Variants in RSU1 observed in about 807,000 individuals in gnomAD.
The protein encoded by RSU1 is Ras suppressor protein 1.
RSU1 carries 26 observed loss-of-function variants against 31.1 expected under a neutral mutation model. The observed-to-expected ratio is 0.84, with a 90% CI of 0.61 to 1.16. The LOEUF (loss-of-function observed/expected upper bound fraction) is 1.16, where lower values mean the gene tolerates loss of function less well. RSU1 is among the 50% of genes most tolerant of loss of function. The probability of loss-of-function intolerance (pLI) is 0.00; values close to 1 mark genes in which losing one functional copy is unlikely to be tolerated. For synonymous variants in RSU1, 164 were observed against 136.3 expected, an observed-to-expected ratio of 1.20 and a Z score of -1.41; for missense variants, 320 against 339.1, an observed-to-expected ratio of 0.94 and a Z score of 0.44.
chr10:16,593,668 C>A (rs989486571), intron 8 of RSU1, among the ~76,000 whole-genome samples, 172 bp from the exon 9 acceptor site: 2 of 152,238 alleles, frequency 1.3e-5, no homozygotes, highest in African/African-American at 4.8e-5. Context: ...ATATAAAATT[C>A]TCTTACACAT....
intron 8 of RSU1, among the ~76,000 whole-genome samples, chr10:16,634,351 C>T (rs988954370): frequency 6.6e-6 from 1 of 152,148 alleles, no homozygotes; most frequent in Non-Finnish European, 1.5e-5. Context: ...GGCTTCAAAA[C>T]AAGCCACAAG....
At chr10:16,601,379 G>A (rs573480885) in intron 8 of RSU1, among the ~76,000 whole-genome samples, 1 of 152,302 alleles carries the variant, frequency 6.6e-6, no homozygotes, top group East Asian at 1.9e-4. Context: ...GAAACTCTAA[G>A]TAAAGTTGTA....
chr10:16,600,671 C>T (rs1447121328), intron 8 of RSU1, among the ~76,000 whole-genome samples: 1 of 151,822 alleles, frequency 6.6e-6, no homozygotes, highest in Non-Finnish European at 1.5e-5. Context: ...AAGCGATCCT[C>T]CTGCCTCAGC....
chr10:16,656,160 A>G lies in RSU1; in HGVS notation c.731+38863T>C, dbSNP rs139638313. Reference sequence around the variant, plus strand: ...AAAGTACTGGAAAGCATAAAGAGAGAAAAAACCCACATACAATCCTACCAC... The same window carrying G: ...AAAGTACTGGAAAGCATAAAGAGAGGAAAAACCCACATACAATCCTACCAC... On this transcript the variant is annotated intron_variant, in intron 8 of 8. Coordinates refer to ENST00000345264, the MANE Select transcript of RSU1 (RefSeq NM_012425.4). Among the ~76,000 whole-genome samples, 131 of 152,336 alleles carry G rather than the reference A, an allele frequency of 8.6e-4. 1 individual carries two copies. In the East Asian group the frequency reaches 0.014, roughly 16 times the overall value.
chr10:16,598,055 G>A (rs1011816689), intron 8 of RSU1, among the ~76,000 whole-genome samples: 4 of 152,204 alleles, frequency 2.6e-5, no homozygotes, highest in Admixed American at 6.5e-5. Flanking sequence ...GGCCTCAACT[G>A]GGCAAGTAAG....
intron 2 of RSU1, among the ~76,000 whole-genome samples, chr10:16,793,313 A>G (rs1277116140): frequency 6.6e-6 from 1 of 152,182 alleles, no homozygotes; most frequent in Non-Finnish European, 1.5e-5. Context: ...ATCAATCACA[A>G]TTAAGTCCTC....
chr10:16,762,662 A>G (rs1420884819), intron 4 of RSU1, among the ~76,000 whole-genome samples: 1 of 152,166 alleles, frequency 6.6e-6, no homozygotes, highest in Non-Finnish European at 1.5e-5. Context: ...TGTCTGACCA[A>G]ATTCCTTGTG....
chr10:16,758,266 T>C (rs1021123235), intron 4 of RSU1, among the ~76,000 whole-genome samples: 6 of 152,302 alleles, frequency 3.9e-5, no homozygotes, highest in Admixed American at 2.0e-4. Flanking sequence ...TGGCCACCTC[T>C]CCGGACACCA....
intron 2 of RSU1, among the ~76,000 whole-genome samples, chr10:16,792,007 A>G (rs1192969211): frequency 6.6e-6 from 1 of 152,224 alleles, no homozygotes; most frequent in Non-Finnish European, 1.5e-5. Context: ...GAGGGCGAAC[A>G]AAGCCAGGAT....
chr10:16,657,530 A>G (rs1046307642), intron 8 of RSU1, among the ~76,000 whole-genome samples: 5 of 127,218 alleles, frequency 3.9e-5, no homozygotes, highest in Admixed American at 1.5e-4. Flanking sequence ...ATCATACTAG[A>G]AAAAAAAAAA....
In RSU1 at chr10:16,722,668, G is replaced by T. The variant is rs966048569; in HGVS notation, c.599-27513C>A. Among the ~76,000 whole-genome samples, 4 of 151,982 alleles carry T rather than the reference G, an allele frequency of 2.6e-5. No homozygotes were observed. The East Asian group carries it at 5.8e-4, about 22-fold the overall frequency. ...ATGGGTCTACATAGCATTTACAGAA[G>T]GGCCAAATAGACAATATTCCAGACA... On this transcript the variant is annotated intron_variant, in intron 7 of 8. Coordinates refer to ENST00000345264, the MANE Select transcript of RSU1 (RefSeq NM_012425.4).
intron 8 of RSU1, among the ~76,000 whole-genome samples, chr10:16,645,864 A>G (rs1373003029): frequency 2.3e-5 from 3 of 128,036 alleles, no homozygotes; most frequent in Non-Finnish European, 4.6e-5. Context: ...ATATATACGT[A>G]TATATACATA....
At chr10:16,605,256 A>C (rs954809121) in intron 8 of RSU1, among the ~76,000 whole-genome samples, 4 of 152,036 alleles carry the variant, frequency 2.6e-5, no homozygotes, top group African/African-American at 7.3e-5. Flanking sequence ...TCTATCTTTG[A>C]CTACGTTCAT....
rs144871263 is a variant in RSU1 at position 16,639,167 on chromosome 10, C to T, written c.732-45671G>A. Among the ~76,000 whole-genome samples the T allele has an allele frequency of 3.0e-3, 452 of 152,284 alleles. 5 individuals are homozygous for T. The highest frequency in any genetic ancestry group is 4.5e-3 in the Non-Finnish European group (308 of 68,032). ...GTATAAATTATTAAGTTATAAAACACCACTGCTAATAAAACTGTGGCTACA... is the reference window on the plus strand; with the variant it reads ...GTATAAATTATTAAGTTATAAAACATCACTGCTAATAAAACTGTGGCTACA... On this transcript the variant is annotated intron_variant, in intron 8 of 8. Coordinates refer to ENST00000345264, the MANE Select transcript of RSU1 (RefSeq NM_012425.4).
intron 8 of RSU1, among the ~76,000 whole-genome samples, chr10:16,656,565 G>A (rs978350806): frequency 6.6e-6 from 1 of 152,204 alleles, no homozygotes; most frequent in Non-Finnish European, 1.5e-5. Context: ...AAGTGAGATT[G>A]TATAAAATCA....
At chr10:16,656,063 T>C (rs1341326283) in intron 8 of RSU1, among the ~76,000 whole-genome samples, 1 of 152,168 alleles carries the variant, frequency 6.6e-6, no homozygotes, top group African/African-American at 2.4e-5. Flanking sequence ...GCCAAAATAA[T>C]AAATTATTGA....
intron 8 of RSU1, among the ~76,000 whole-genome samples, chr10:16,609,500 G>T (rs550422857): frequency 6.6e-6 from 1 of 152,362 alleles, no homozygotes; most frequent in South Asian, 2.1e-4. Flanking sequence ...TACAGCTGGT[G>T]AAAGCGAGGT....
chr10:16,810,381 C>A (rs185463754), intron 2 of RSU1, among the ~76,000 whole-genome samples: 2 of 152,044 alleles, frequency 1.3e-5, no homozygotes, highest in African/African-American at 4.8e-5. Flanking sequence ...GGAAAAATTA[C>A]CAGTTTTCAA....
At chr10:16,755,147 G>C (rs1488447434) in intron 4 of RSU1, among the ~76,000 whole-genome samples, 158 bp from the exon 5 acceptor site, 1 of 151,926 alleles carries the variant, frequency 6.6e-6, no homozygotes, top group African/African-American at 2.4e-5. Context: ...TTTGAGACAG[G>C]GTCTTACTCT....
Sources: allele counts gnomAD v4.1 joint callset (sites outside exome capture counted in the v4.1 genomes callset), GRCh38; gene constraint gnomAD v4.1.1; transcripts MANE v1.5; gene names NCBI Gene and HGNC (gene_info 2026-07-23, HGNC 2026-07-21).